The following CDH7 variants were observed in gnomAD, a reference collection of about 807,000 sequenced individuals.
The protein encoded by CDH7 is cadherin-7.
In CDH7, 25 loss-of-function variants were observed where a neutral mutation model predicts 71.8. The observed-to-expected ratio is 0.35, with a 90% confidence interval of 0.25 to 0.49. CDH7 has a LOEUF of 0.49. Ranked by LOEUF, CDH7 falls within the 20% of genes least tolerant of loss-of-function variation. The pLI is 0.99. For missense variants in CDH7, 862 were observed against 974.6 expected, an observed-to-expected ratio of 0.88 and a Z score of 1.54; for synonymous variants, 381 against 363.8, an observed-to-expected ratio of 1.05 and a Z score of -0.54.
At chr18:65,786,647 A>G (rs1910523873) in intron 2 of CDH7, among the ~76,000 whole-genome samples, 1 of 152,150 alleles carries the variant, frequency 6.6e-6, no homozygotes, top group Admixed American at 6.5e-5. Flanking sequence ...TCTGAGTCAG[A>G]GATAATTTCC....
At chr18:65,764,397 A>C (rs1346706022) in intron 2 of CDH7, among the ~76,000 whole-genome samples, 1 of 152,078 alleles carries the variant, frequency 6.6e-6, no homozygotes, top group Non-Finnish European at 1.5e-5. Flanking sequence ...ACCTAAGCTT[A>C]TGTAAATACA....
intron 2 of CDH7, among the ~76,000 whole-genome samples, chr18:65,801,368 A>G (rs1911117576): frequency 6.6e-6 from 1 of 152,216 alleles, no homozygotes; most frequent in South Asian, 2.1e-4. Flanking sequence ...TACTAGTTTT[A>G]ACGTGGTACT....
At chr18:65,770,195 G>C (rs1048130152) in intron 2 of CDH7, among the ~76,000 whole-genome samples, 1 of 151,890 alleles carries the variant, frequency 6.6e-6, no homozygotes. Flanking sequence ...GATGTCAAAG[G>C]GCAATTGATT....
At chr18:65,835,922 C>T (rs967198262) in intron 6 of CDH7, among the ~76,000 whole-genome samples, 2 of 152,106 alleles carry the variant, frequency 1.3e-5, no homozygotes, top group Non-Finnish European at 1.5e-5. Context: ...GGAACATTAT[C>T]CTGGATCACA....
intron 2 of CDH7, among the ~76,000 whole-genome samples, chr18:65,805,013 A>C (rs1599018393): frequency 6.6e-6 from 1 of 152,170 alleles, no homozygotes; most frequent in South Asian, 2.1e-4. Flanking sequence ...TTAAATGGAC[A>C]GAAATTGAAA....
Position 65,857,353 on chromosome 18 carries a change from AATAATAAT to A in CDH7, c.1236-461_1236-454del, listed in dbSNP as rs1381646985. On this transcript the variant is annotated intron_variant, in intron 7 of 11. Coordinates refer to ENST00000397968, the MANE Select transcript of CDH7 (RefSeq NM_004361.5). ...TAATAATAATAATAATAATAATAAT[AATAATAAT>A]AAAATAGCCAAATATGGTGGTGCAT... 5.8e-3 allele frequency among the ~76,000 whole-genome samples: 830 copies of A among 142,642 alleles called. 6 individuals are homozygous for A. Among genetic ancestry groups the A allele is most frequent in the African/African-American group, 0.022 (800 of 36,810 alleles). 93.6% of individuals were successfully genotyped at this position (142,642 alleles called of 152,430 possible).
At chr18:65,778,782 G>C (rs1160139488) in intron 2 of CDH7, among the ~76,000 whole-genome samples, 1 of 151,124 alleles carries the variant, frequency 6.6e-6, no homozygotes, top group East Asian at 1.9e-4. Context: ...TAATTGAATG[G>C]TTTTCTGAAA....
chr18:65,772,571 A>G (rs1568176807), intron 2 of CDH7, among the ~76,000 whole-genome samples: 1 of 152,148 alleles, frequency 6.6e-6, no homozygotes, highest in African/African-American at 2.4e-5. Flanking sequence ...AATGATTACC[A>G]AAGAAATAGA....
rs537349615 is a variant in CDH7 at position 65,781,455 on chromosome 18, G to A, written c.210+18403G>A. Among the ~76,000 whole-genome samples, 6 of 152,132 alleles carry A rather than the reference G, an allele frequency of 3.9e-5. No individual in the cohort carries two copies. The South Asian group carries it at 1.2e-3, about 32-fold the overall frequency. On this transcript the variant is annotated intron_variant, in intron 2 of 11. Coordinates refer to ENST00000397968, the MANE Select transcript of CDH7 (RefSeq NM_004361.5). ...ATAAATTACATACAAATATATGCAA[G>A]CATACATAACCTAACTATTTTTACA...
chr18:65,874,684 T>G (rs1914022838), intron 11 of CDH7, among the ~76,000 whole-genome samples: 1 of 151,806 alleles, frequency 6.6e-6, no homozygotes, highest in Non-Finnish European at 1.5e-5. Flanking sequence ...TTTAAAAAAT[T>G]CAAATATGCA....
intron 7 of CDH7, among the ~76,000 whole-genome samples, chr18:65,853,199 A>AC (rs1162372862): frequency 6.6e-6 from 1 of 152,168 alleles, no homozygotes; most frequent in East Asian, 1.9e-4. Flanking sequence ...AAGTTCACAC[A>AC]CCGCTAATGG....
At chr18:65,762,142 T>C (rs1916208566) in intron 1 of CDH7, among the ~76,000 whole-genome samples, 1 of 152,208 alleles carries the variant, frequency 6.6e-6, no homozygotes, top group Non-Finnish European at 1.5e-5. Context: ...CAACCAGTTT[T>C]GCATCACCTC....
At chr18:65,781,750 A>ATTTCTTTCTTTC (rs879796330) in intron 2 of CDH7, among the ~76,000 whole-genome samples, 1 of 78,490 alleles carries the variant, frequency 1.3e-5, no homozygotes, top group African/African-American at 5.4e-5. Context: ...CTATTGGTTG[A>ATTTCTTTCTTTC]TTTCTTTCTT....
chr18:65,858,055 T>G (rs1913429116), intron 8 of CDH7, 103 bp downstream of exon 8: 3 of 1,102,944 alleles, frequency 2.7e-6, no homozygotes, highest in Non-Finnish European at 3.8e-6. Context: ...GTTCCTTCTT[T>G]GAATTGTACA....
At position 65,880,819 on chromosome 18, in the gene CDH7, C is replaced by T. The variant is rs959279232; in HGVS notation, c.2283C>T (p.Tyr761=). The T allele has an allele frequency of 6.2e-7, 1 of 1,614,128 alleles. No individual in the cohort carries two copies. The highest frequency in any genetic ancestry group is 8.5e-7 in the Non-Finnish European group (1 of 1,180,004). Reference sequence around the variant, plus strand: ...CAAACTCTGATCAGAACTATGACTACCTAAGTGACTGGGGACCTCGCTTTA... The same window carrying T: ...CAAACTCTGATCAGAACTATGACTATCTAAGTGACTGGGGACCTCGCTTTA... ...ISSNSDQNYD[Y]LSDWGPRFKR... The change falls in exon 12 of 12, where the codon TAC becomes TAT. Residue 761 remains tyrosine (Y), a synonymous_variant. Coordinates refer to ENST00000397968, the MANE Select transcript of CDH7 (RefSeq NM_004361.5).
At chr18:65,805,281 G>A (rs113581186) in intron 2 of CDH7, among the ~76,000 whole-genome samples, 3 of 152,108 alleles carry the variant, frequency 2.0e-5, no homozygotes, top group Non-Finnish European at 4.4e-5. Context: ...AATTTGCATC[G>A]AGCTGAATTG....
intron 4 of CDH7, among the ~76,000 whole-genome samples, chr18:65,821,428 TG>T: frequency 6.6e-6 from 1 of 152,276 alleles, no homozygotes; most frequent in South Asian, 2.1e-4. Context: ...AAGGATTCAT[TG>T]AAGGTGTTAC....
intron 2 of CDH7, among the ~76,000 whole-genome samples, chr18:65,796,348 C>T (rs531333216): frequency 6.6e-6 from 1 of 152,022 alleles, no homozygotes; most frequent in Non-Finnish European, 1.5e-5. Flanking sequence ...TGAAAATGTT[C>T]TAAAAACACT....
intron 4 of CDH7, among the ~76,000 whole-genome samples, chr18:65,816,394 T>C (rs950069426): frequency 6.6e-6 from 1 of 152,150 alleles, no homozygotes; most frequent in African/African-American, 2.4e-5. Flanking sequence ...GAATTATAAA[T>C]CAAGGTTCAG....
Sources: gnomAD v4.1 joint callset for allele counts (sites outside exome capture counted in the v4.1 genomes callset) on GRCh38, gnomAD v4.1.1 for gene constraint, MANE v1.5 for transcripts, NCBI Gene and HGNC (gene_info 2026-07-23, HGNC 2026-07-21) for gene names.